Variants in AGBL4 observed in about 807,000 individuals in gnomAD.
AGBL4 encodes the protein cytosolic carboxypeptidase 6.
In AGBL4, 58 loss-of-function variants were observed where a neutral mutation model predicts 66.4. That is an observed-to-expected ratio of 0.87 (90% CI 0.71 to 1.09). AGBL4 has a LOEUF of 1.09. Among genes scored for constraint, AGBL4 ranks in the 50% least tolerant of loss-of-function variants. AGBL4 has a pLI of 0.00. For missense variants in AGBL4, 579 were observed against 631.0 expected, an observed-to-expected ratio of 0.92 and a Z score of 0.88; for synonymous variants, 234 against 222.9, an observed-to-expected ratio of 1.05 and a Z score of -0.44.
chr1:49,308,306 C>G (rs191882520), intron 3 of AGBL4, among the ~76,000 whole-genome samples: 1 of 152,052 alleles, frequency 6.6e-6, no homozygotes, highest in South Asian at 2.1e-4. Flanking sequence ...GTACTATATA[C>G]AAATCTGCAT....
Position 49,558,729 on chromosome 1 carries a change from G to T in AGBL4, c.282+138584C>A, listed in dbSNP as rs140143673. ...AGCCCAGTACCCTAGAGGGTGAGTTGCAGGCCAAGCAGCATTCACCACAAA... is the reference window on the plus strand; with the variant it reads ...AGCCCAGTACCCTAGAGGGTGAGTTTCAGGCCAAGCAGCATTCACCACAAA... On this transcript the variant is annotated intron_variant, in intron 3 of 13. Transcript: ENST00000371839. Among the ~76,000 whole-genome samples the T allele has an allele frequency of 1.1e-3, 166 of 152,228 alleles. 3 individuals are homozygous for T. In the Middle Eastern group the frequency reaches 0.017, roughly 16 times the overall value.
At chr1:49,274,299 CAA>C (rs751173269) in intron 3 of AGBL4, among the ~76,000 whole-genome samples, 7 of 151,638 alleles carry the variant, frequency 4.6e-5, no homozygotes, top group Non-Finnish European at 7.4e-5. Flanking sequence ...CAAGAGAGTC[CAA>C]GAGAGATATA....
chr1:49,094,430 A>G (rs147108170), intron 4 of AGBL4, among the ~76,000 whole-genome samples: 43 of 152,244 alleles, frequency 2.8e-4, no homozygotes, highest in African/African-American at 1.0e-3. Context: ...CCTTTTCTGC[A>G]TCTATTGAGG....
chr1:49,006,089 G>A (rs1231033501), intron 5 of AGBL4, among the ~76,000 whole-genome samples: 5 of 152,154 alleles, frequency 3.3e-5, no homozygotes, highest in Non-Finnish European at 7.4e-5. Context: ...GAAGACAGGT[G>A]ATTTCTGCAT....
At chr1:49,415,090 C>T (rs1356967667) in intron 3 of AGBL4, among the ~76,000 whole-genome samples, 2 of 152,126 alleles carry the variant, frequency 1.3e-5, no homozygotes, top group East Asian at 3.9e-4. Flanking sequence ...GCATCCAGGT[C>T]TCTTAATTCC....
chr1:49,803,865 A>C (rs1644917772), intron 2 of AGBL4, among the ~76,000 whole-genome samples: 1 of 152,194 alleles, frequency 6.6e-6, no homozygotes, highest in East Asian at 1.9e-4. Context: ...TTTGGTTATT[A>C]ACACTTCTGA....
intron 1 of AGBL4, among the ~76,000 whole-genome samples, chr1:49,936,503 C>T (rs1654042628): frequency 6.6e-6 from 1 of 152,120 alleles, no homozygotes; most frequent in Non-Finnish European, 1.5e-5. Flanking sequence ...AAAGATACTC[C>T]TCGAGAAGAG....
intron 1 of AGBL4, chr1:49,995,622 C>T (rs1377748181): frequency 8.8e-6 from 2 of 226,866 alleles, no homozygotes; most frequent in Non-Finnish European, 1.8e-5. Flanking sequence ...CAAACCACAG[C>T]CTGAGACACC....
At chr1:49,486,843 C>A (rs1647078202) in intron 3 of AGBL4, among the ~76,000 whole-genome samples, 1 of 152,008 alleles carries the variant, frequency 6.6e-6, no homozygotes, top group South Asian at 2.1e-4. Flanking sequence ...AGCCCCATGT[C>A]TGTGTCTGAA....
Position 48,801,609 on chromosome 1 carries a change from C to T in AGBL4, c.634+65582G>A, listed in dbSNP as rs149717417. Among the ~76,000 whole-genome samples, 268 of 152,240 alleles carry T rather than the reference C, an allele frequency of 1.8e-3. 7 individuals are homozygous for T. The East Asian group carries it at 0.048, about 27-fold the overall frequency. Reference sequence around the variant, plus strand: ...TTTCAGCTCTAGGTAAGGTTAAATCCTTCTTCTGTGTTCTGGATTTTCAGG... The same window carrying T: ...TTTCAGCTCTAGGTAAGGTTAAATCTTTCTTCTGTGTTCTGGATTTTCAGG... On this transcript the variant is annotated intron_variant, in intron 6 of 13. Transcript: ENST00000371839.
intron 11 of AGBL4, among the ~76,000 whole-genome samples, chr1:48,578,649 A>G (rs1008495156): frequency 1.3e-5 from 2 of 152,080 alleles, no homozygotes; most frequent in Non-Finnish European, 2.9e-5. Context: ...CCAACCACAT[A>G]CAGATGCCGA....
intron 3 of AGBL4, among the ~76,000 whole-genome samples, chr1:49,314,004 T>G (rs1262946054): frequency 1.3e-5 from 2 of 152,210 alleles, no homozygotes; most frequent in African/African-American, 4.8e-5. Flanking sequence ...GTTTTAGGTC[T>G]TACGTTTAAC....
At chr1:49,257,407 T>G (rs1459766079) in intron 3 of AGBL4, 1 of 159,682 alleles carries the variant, frequency 6.3e-6, no homozygotes, top group Non-Finnish European at 1.4e-5. Context: ...CGCTGCCGCC[T>G]TGCAGTTTGC....
rs1167308 is a variant in AGBL4 at position 49,536,525 on chromosome 1, C to T, written c.282+160788G>A. On this transcript the variant is annotated intron_variant, in intron 3 of 13. Coordinates refer to ENST00000371839, the MANE Select transcript of AGBL4 (RefSeq NM_032785.4). ...TCAATCCTATCAAAGAAAATACCAA[C>T]ATCATCTTTCACAGAATTAGAAAAA... is the stretch of plus-strand genomic sequence containing the variant. 3.3e-5 allele frequency among the ~76,000 whole-genome samples: 5 copies of T among 152,108 alleles called. No individual in the cohort carries two copies. The East Asian group carries it at 7.7e-4, about 23-fold the overall frequency.
chr1:48,543,875 C>CT (rs1232717840), intron 11 of AGBL4, among the ~76,000 whole-genome samples: 2 of 152,188 alleles, frequency 1.3e-5, no homozygotes, highest in Non-Finnish European at 2.9e-5. Flanking sequence ...TATTTTATCT[C>CT]TTTTTTGTTA....
intron 8 of AGBL4, among the ~76,000 whole-genome samples, chr1:48,634,883 T>C (rs1645644701): frequency 1.3e-5 from 2 of 152,178 alleles, no homozygotes; most frequent in African/African-American, 4.8e-5. Flanking sequence ...TCAGCATCCA[T>C]AGACACATGA....
At chr1:49,156,616 T>C (rs1268645930) in intron 4 of AGBL4, among the ~76,000 whole-genome samples, 1 of 152,114 alleles carries the variant, frequency 6.6e-6, no homozygotes, top group Admixed American at 6.6e-5. Context: ...GGCCTTTCCA[T>C]AGAACCTCTT....
At chr1:48,977,598 T>G (rs79828157) in intron 5 of AGBL4, among the ~76,000 whole-genome samples, 1,733 of 152,138 alleles carry the variant, frequency 0.011, 31 homozygotes, top group African/African-American at 0.04. Flanking sequence ...GTCTGCTTGA[T>G]TAGGAGGTTT....
chr1:49,727,693 G>A (rs1369110824), intron 2 of AGBL4, among the ~76,000 whole-genome samples: 1 of 152,116 alleles, frequency 6.6e-6, no homozygotes, highest in Non-Finnish European at 1.5e-5. Flanking sequence ...ATAAGCCTGT[G>A]AAGCTTTCTG....
Sources: gnomAD v4.1 joint callset for allele counts (sites outside exome capture counted in the v4.1 genomes callset) on GRCh38, gnomAD v4.1.1 for gene constraint, MANE v1.5 for transcripts, NCBI Gene and HGNC (gene_info 2026-07-23, HGNC 2026-07-21) for gene names.